Variants in JAKMIP2 observed in about 807,000 individuals in gnomAD.
JAKMIP2 encodes janus kinase and microtubule-interacting protein 2.
Under a neutral mutation model 115.0 loss-of-function variants are expected in JAKMIP2, and 25 were observed. That is an observed-to-expected ratio of 0.22 (90% CI 0.16 to 0.30). JAKMIP2 has a LOEUF of 0.30. Among genes scored for constraint, JAKMIP2 ranks in the 10% least tolerant of loss-of-function variants. JAKMIP2 has a pLI of 1.00. For synonymous variants in JAKMIP2, 334 were observed against 343.6 expected, an observed-to-expected ratio of 0.97 and a Z score of 0.31; for missense variants, 642 against 957.6, an observed-to-expected ratio of 0.67 and a Z score of 4.35.
At chr5:147,684,598 T>C (rs1760482202) in intron 1 of JAKMIP2, among the ~76,000 whole-genome samples, 1 of 152,144 alleles carries the variant, frequency 6.6e-6, no homozygotes, top group South Asian at 2.1e-4. Context: ...GTATGGAAAG[T>C]TTAATCTGAG....
intron 19 of JAKMIP2, among the ~76,000 whole-genome samples, chr5:147,615,550 C>T (rs1446550274): frequency 6.6e-6 from 1 of 152,026 alleles, no homozygotes; most frequent in African/African-American, 2.4e-5. Flanking sequence ...GAAATTGGAT[C>T]ATGGAGGCTT....
At chr5:147,720,151 G>T (rs1050971566) in intron 1 of JAKMIP2, among the ~76,000 whole-genome samples, 10 of 152,212 alleles carry the variant, frequency 6.6e-5, no homozygotes, top group Middle Eastern at 3.4e-3. Flanking sequence ...GAAAATTCTT[G>T]TCTTTAAGAA....
chr5:147,700,815 C>A (rs1181920441), intron 1 of JAKMIP2, among the ~76,000 whole-genome samples: 1 of 152,192 alleles, frequency 6.6e-6, no homozygotes, highest in African/African-American at 2.4e-5. Context: ...TTGTAGCTCT[C>A]AGATGCCTTT....
intron 1 of JAKMIP2, among the ~76,000 whole-genome samples, chr5:147,720,100 G>A (rs1384415848): frequency 5.3e-5 from 8 of 151,870 alleles, no homozygotes; most frequent in East Asian, 1.9e-4. Context: ...TTTCTCCTTT[G>A]CTTATGAAGC....
intron 3 of JAKMIP2, among the ~76,000 whole-genome samples, chr5:147,656,314 G>A (rs1278934239): frequency 6.6e-6 from 1 of 152,174 alleles, no homozygotes; most frequent in East Asian, 1.9e-4. Flanking sequence ...TTACTCTGTA[G>A]GAGTCTAAGT....
chr5:147,598,262 G>A (rs1755498361), intron 21 of JAKMIP2, among the ~76,000 whole-genome samples: 1 of 152,136 alleles, frequency 6.6e-6, no homozygotes, highest in Admixed American at 6.5e-5. Flanking sequence ...GCCTCCCAAA[G>A]TGCTGGGATT....
intron 1 of JAKMIP2, among the ~76,000 whole-genome samples, chr5:147,765,020 CAG>C (rs1296622120): frequency 1.3e-4 from 4 of 30,460 alleles, no homozygotes; most frequent in South Asian, 8.3e-4. Context: ...GAAAGGGAGA[CAG>C]AGAGAGAGAG....
Sources: gnomAD v4.1 joint callset for allele counts (sites outside exome capture counted in the v4.1 genomes callset) on GRCh38, gnomAD v4.1.1 for gene constraint, MANE v1.5 for transcripts, NCBI Gene and HGNC (gene_info 2026-07-23, HGNC 2026-07-21) for gene names.